The following ENTREP2 variants were observed in gnomAD, a reference collection of about 807,000 sequenced individuals.
The protein encoded by ENTREP2 is protein ENTREP2.
chr15:29,322,893 T>C, the ENTREP2 span, among the ~76,000 whole-genome samples: 1 of 152,210 alleles, frequency 6.6e-6, no homozygotes, highest in East Asian at 1.9e-4. Context: ...GATGCATCCT[T>C]AACCTTGGTT....
the ENTREP2 span, among the ~76,000 whole-genome samples, chr15:29,564,568 C>T: frequency 6.6e-6 from 1 of 152,230 alleles, no homozygotes; most frequent in African/African-American, 2.4e-5. Flanking sequence ...GGTCCACACA[C>T]AGTTAGTTGC....
the ENTREP2 span, among the ~76,000 whole-genome samples, chr15:29,294,503 CTCT>C: frequency 6.6e-6 from 1 of 152,192 alleles, no homozygotes; most frequent in Non-Finnish European, 1.5e-5. Flanking sequence ...GCAAACGTGT[CTCT>C]TTTGCTACAG....
At chr15:29,196,693 G>C in the ENTREP2 span, 1 of 991,800 alleles carries the variant, frequency 1.0e-6, no homozygotes, top group Non-Finnish European at 1.4e-6. Context: ...GTGTGTTTAA[G>C]TAGTACAGCA....
the ENTREP2 span, chr15:29,123,363 G>A: frequency 1.9e-5 from 29 of 1,541,868 alleles, no homozygotes; most frequent in Middle Eastern, 1.7e-4. Context: ...GAACGTCAGC[G>A]CCGAAGACGG....
the ENTREP2 span, among the ~76,000 whole-genome samples, chr15:29,217,218 C>A: frequency 6.6e-6 from 1 of 152,090 alleles, no homozygotes. Context: ...TAATTGCATT[C>A]TTGGATGTGC....
the ENTREP2 span, among the ~76,000 whole-genome samples, chr15:29,148,879 AT>A: frequency 0.019 from 2,646 of 142,376 alleles, 47 homozygotes; most frequent in African/African-American, 0.056. Context: ...TTTTTTTTTA[AT>A]TTTTTTTTTT....
At chr15:29,449,076 G>A in the ENTREP2 span, among the ~76,000 whole-genome samples, 20 of 152,160 alleles carry the variant, frequency 1.3e-4, no homozygotes, top group African/African-American at 4.6e-4. Flanking sequence ...AGAATGTTGC[G>A]ATCACTGAAG....
At chr15:29,244,286 C>G in the ENTREP2 span, among the ~76,000 whole-genome samples, 2 of 152,140 alleles carry the variant, frequency 1.3e-5, no homozygotes, top group Non-Finnish European at 2.9e-5. Flanking sequence ...AAGCGAATAC[C>G]TCCCATTAAT....
At chr15:29,234,808 C>G in the ENTREP2 span, 1 of 1,456,188 alleles carries the variant, frequency 6.9e-7, no homozygotes, top group South Asian at 1.1e-5. Flanking sequence ...AGGATACAAT[C>G]TGTTTATCAT....
At chr15:29,588,290 C>T in the ENTREP2 span, among the ~76,000 whole-genome samples, 164 of 152,156 alleles carry the variant, frequency 1.1e-3, no homozygotes, top group Non-Finnish European at 3.4e-4. Flanking sequence ...ATGTCCTCGG[C>T]ACTTCAGCCT....
At chr15:29,398,117 A>G in the ENTREP2 span, among the ~76,000 whole-genome samples, 25 of 150,060 alleles carry the variant, frequency 1.7e-4, no homozygotes, top group Non-Finnish European at 2.7e-4. Context: ...AAAACCAAAC[A>G]TGAAAGACAG....
At chr15:29,234,547 A>T in the ENTREP2 span, 1 of 1,397,274 alleles carries the variant, frequency 7.2e-7, no homozygotes, top group Admixed American at 1.7e-5. Context: ...GGCAAATAGC[A>T]ACAGATGTGG....
the ENTREP2 span, among the ~76,000 whole-genome samples, chr15:29,458,397 T>C: frequency 3.3e-5 from 5 of 152,256 alleles, 1 homozygote; most frequent in African/African-American, 1.2e-4. Flanking sequence ...GGAATAATGT[T>C]TTACCAGCAC....
the ENTREP2 span, among the ~76,000 whole-genome samples, chr15:29,634,216 C>T: frequency 9.9e-5 from 15 of 152,062 alleles, no homozygotes; most frequent in African/African-American, 1.4e-4. Context: ...GAGGATTAGC[C>T]GGTTTGCCAG....
chr15:29,357,613 A>G, the ENTREP2 span, among the ~76,000 whole-genome samples: 139 of 152,120 alleles, frequency 9.1e-4, no homozygotes, highest in Admixed American at 1.7e-3. Flanking sequence ...CGAGGCGGGC[A>G]GATCACAAGG....
At chr15:29,268,987 T>C in the ENTREP2 span, 1 of 1,614,144 alleles carries the variant, frequency 6.2e-7, no homozygotes, top group Non-Finnish European at 8.5e-7. Flanking sequence ...GGGGTCGGTG[T>C]GGGGTATCCG....
the ENTREP2 span, among the ~76,000 whole-genome samples, chr15:29,539,827 CCCT>C: frequency 6.6e-6 from 1 of 152,122 alleles, no homozygotes; most frequent in Non-Finnish European, 1.5e-5. Flanking sequence ...AGCCAAAATC[CCCT>C]GAGTGACAAA....
the ENTREP2 span, among the ~76,000 whole-genome samples, chr15:29,293,688 G>A: frequency 3.3e-4 from 50 of 152,306 alleles, no homozygotes; most frequent in African/African-American, 1.2e-3. Context: ...TCTGTCCTTG[G>A]CTTGGCTCTA....
the ENTREP2 span, among the ~76,000 whole-genome samples, chr15:29,511,451 C>T: frequency 6.6e-6 from 1 of 152,062 alleles, no homozygotes; most frequent in South Asian, 2.1e-4. Context: ...TCCTCAGCCT[C>T]CCAAGTAACT....
Sources: allele counts gnomAD v4.1 joint callset (sites outside exome capture counted in the v4.1 genomes callset), GRCh38; gene constraint gnomAD v4.1.1; transcripts MANE v1.5; gene names NCBI Gene and HGNC (gene_info 2026-07-23, HGNC 2026-07-21).